The following CDC14A variants were observed in gnomAD, a reference collection of about 807,000 sequenced individuals.
CDC14A encodes dual specificity protein phosphatase CDC14A.
CDC14A carries 53 observed loss-of-function variants against 74.4 expected under a neutral mutation model. The observed-to-expected ratio is 0.71, with a 90% CI of 0.57 to 0.89. The LOEUF is 0.89. Among genes scored for constraint, CDC14A ranks in the 40% least tolerant of loss-of-function variants. The probability of loss-of-function intolerance (pLI) is 0.00; values close to 1 mark genes in which losing one functional copy is unlikely to be tolerated. For synonymous variants in CDC14A, 247 were observed against 258.4 expected, an observed-to-expected ratio of 0.96 and a Z score of 0.43; for missense variants, 646 against 713.7, an observed-to-expected ratio of 0.91 and a Z score of 1.08.
chr1:100,507,380 C>T (rs574093232), intron 15 of CDC14A, among the ~76,000 whole-genome samples: 1 of 152,176 alleles, frequency 6.6e-6, no homozygotes, highest in East Asian at 1.9e-4. Flanking sequence ...TATACAGATT[C>T]ATTATTATTT....
chr1:100,369,808 T>C (rs1276552288), intron 2 of CDC14A, among the ~76,000 whole-genome samples: 2 of 151,222 alleles, frequency 1.3e-5, no homozygotes, highest in African/African-American at 4.9e-5. Flanking sequence ...AGAATGGTGT[T>C]TCCTAGGTTT....
At chr1:100,491,565 TATATA>T (rs1670666100) in intron 11 of CDC14A, among the ~76,000 whole-genome samples, 16 of 87,596 alleles carry the variant, frequency 1.8e-4, no homozygotes, top group African/African-American at 8.0e-4. Context: ...TATATATATA[TATATA>T]TATTTTTTTT....
chr1:100,442,926 G>A lies in CDC14A; in HGVS notation c.457-8G>A, dbSNP rs370267303. 1.3e-6 allele frequency: 2 copies of A among 1,579,160 alleles called. No individual in the cohort carries two copies. The highest frequency in any genetic ancestry group is 1.7e-6 in the Non-Finnish European group (2 of 1,149,370). ...GCATGGAAAAACTAATTCAAATTCT[G>A]CTTTTAGGGATTACAACATGGATTT... On this transcript the variant is annotated splice_region_variant and splice_polypyrimidine_tract_variant and intron_variant, in intron 6 of 15. Coordinates refer to ENST00000336454, the MANE Select transcript of CDC14A (RefSeq NM_003672.4).
At chr1:100,422,738 C>A (rs1451727831) in intron 4 of CDC14A, among the ~76,000 whole-genome samples, 2 of 152,176 alleles carry the variant, frequency 1.3e-5, no homozygotes, top group African/African-American at 4.8e-5. Flanking sequence ...TTCATGTTTA[C>A]TTGCCAAATG....
chr1:100,418,096 G>T (rs1288846611), intron 4 of CDC14A, among the ~76,000 whole-genome samples: 2 of 152,190 alleles, frequency 1.3e-5, no homozygotes, highest in Non-Finnish European at 2.9e-5. Context: ...ATGAAAATGG[G>T]AATAATAATG....
intron 4 of CDC14A, among the ~76,000 whole-genome samples, chr1:100,407,459 G>A (rs1012681962): frequency 2.0e-5 from 3 of 152,084 alleles, no homozygotes; most frequent in African/African-American, 7.2e-5. Context: ...TTCTTTGTGT[G>A]CTAATTGCGA....
chr1:100,468,243 T>A, intron 10 of CDC14A, 149 bp downstream of exon 10: 1 of 884,712 alleles, frequency 1.1e-6, no homozygotes, highest in East Asian at 2.5e-5. Flanking sequence ...TATTGTTGAT[T>A]TGACAGCTAA....
intron 8 of CDC14A, among the ~76,000 whole-genome samples, chr1:100,461,877 C>T (rs986849369): frequency 2.6e-5 from 4 of 152,002 alleles, no homozygotes; most frequent in Non-Finnish European, 2.9e-5. Context: ...ATGTATACAT[C>T]GTAGAATGGT....
At chr1:100,420,063 C>CACATATATATATATATAT in intron 4 of CDC14A, among the ~76,000 whole-genome samples, 77 of 61,564 alleles carry the variant, frequency 1.3e-3, no homozygotes, top group African/African-American at 2.2e-3. Context: ...CACACACACA[C>CACATATATATATATATAT]ATATATATAT....
chr1:100,510,057 A>T (rs1438954220), intron 15 of CDC14A, among the ~76,000 whole-genome samples: 1 of 147,908 alleles, frequency 6.8e-6, no homozygotes, highest in African/African-American at 2.6e-5. Context: ...CCTCGTTTCC[A>T]TGCTCTCCTG....
At chr1:100,458,326 AAAGAGT>A (rs1360247713) in intron 8 of CDC14A, among the ~76,000 whole-genome samples, 4 of 152,222 alleles carry the variant, frequency 2.6e-5, no homozygotes, top group East Asian at 1.9e-4. Flanking sequence ...TAAGTAATAT[AAAGAGT>A]AAAACTCTTT....
At position 100,352,672 on chromosome 1, in the gene CDC14A, G is replaced by A. The variant is rs1486233568; in HGVS notation, c.-283G>A. On this transcript the variant is annotated 5_prime_UTR_variant, in exon 1 of 16. Transcript: ENST00000336454. ...TCTGCGTTTCCCAGGCGCGGCGGCG[G>A]CGGAGCAGCAGCTGCAGCAGCCGAG... 7.0e-6 allele frequency: 9 copies of A among 1,293,982 alleles called. No individual in the cohort carries two copies. In the South Asian group the frequency reaches 1.4e-4, roughly 21 times the overall value. 80.2% of individuals were successfully genotyped at this position (1,293,982 alleles called of 1,614,324 possible).
chr1:100,474,332 G>A (rs1668680104), intron 10 of CDC14A, among the ~76,000 whole-genome samples: 1 of 151,962 alleles, frequency 6.6e-6, no homozygotes, highest in African/African-American at 2.4e-5. Context: ...TTTTGTGTCA[G>A]GATAATACTA....
intron 5 of CDC14A, among the ~76,000 whole-genome samples, chr1:100,427,553 C>T (rs1331134479): frequency 6.6e-6 from 1 of 152,162 alleles, no homozygotes; most frequent in African/African-American, 2.4e-5. Flanking sequence ...TTCCCTATTA[C>T]ATTTTATGTA....
At chr1:100,381,700 T>C (rs1316509573) in intron 3 of CDC14A, among the ~76,000 whole-genome samples, 1 of 152,190 alleles carries the variant, frequency 6.6e-6, no homozygotes, top group Admixed American at 6.5e-5. Flanking sequence ...ATTTTAATTA[T>C]GTCAATCAGA....
intron 11 of CDC14A, among the ~76,000 whole-genome samples, chr1:100,486,569 G>C (rs1005772563): frequency 7.9e-5 from 12 of 152,160 alleles, no homozygotes; most frequent in Non-Finnish European, 1.3e-4. Flanking sequence ...CCTGCCTAGT[G>C]GTTCATAGAC....
At chr1:100,348,208 G>A (rs1300389190), upstream of CDC14A, among the ~76,000 whole-genome samples, 1 of 151,264 alleles carries the variant, frequency 6.6e-6, no homozygotes, top group Non-Finnish European at 1.5e-5. Context: ...CTTGAACCCG[G>A]GAGGCAGAGG....
intron 3 of CDC14A, among the ~76,000 whole-genome samples, chr1:100,387,033 G>A (rs898233395): frequency 6.6e-6 from 1 of 150,724 alleles, no homozygotes; most frequent in Non-Finnish European, 1.5e-5. Context: ...TTTTAAATCA[G>A]CCCACTCATA....
chr1:100,393,376 T>C (rs1186061319), intron 4 of CDC14A: 4 of 875,488 alleles, frequency 4.6e-6, no homozygotes, highest in East Asian at 2.4e-5. Context: ...AACTAGGCCA[T>C]AGAATTGTTT....
Sources: gnomAD v4.1 joint callset for allele counts (sites outside exome capture counted in the v4.1 genomes callset) on GRCh38, gnomAD v4.1.1 for gene constraint, MANE v1.5 for transcripts, NCBI Gene and HGNC (gene_info 2026-07-23, HGNC 2026-07-21) for gene names.